GSTCD: variants seen among roughly 807,000 people sequenced by gnomAD.
The protein encoded by GSTCD is glutathione S-transferase C-terminal domain containing.
A neutral mutation model predicts 68.3 loss-of-function variants in GSTCD; 44 were observed. The observed-to-expected ratio is 0.64, with a 90% CI of 0.51 to 0.83. The LOEUF (loss-of-function observed/expected upper bound fraction) is 0.83, where lower values mean the gene tolerates loss of function less well. GSTCD is among the 40% of genes least tolerant of loss of function. The pLI is 0.00. For missense variants in GSTCD, 739 were observed against 735.9 expected (o/e 1.00, Z -0.05); for synonymous variants, 273 against 255.2 (o/e 1.07, Z -0.67).
intron 5 of GSTCD, among the ~76,000 whole-genome samples, chr4:105,818,774 G>T (rs1723133222): frequency 6.6e-6 from 1 of 151,608 alleles, no homozygotes; most frequent in African/African-American, 2.4e-5. Context: ...AGAGTGAGGA[G>T]AATTTAATAG....
At chr4:105,775,641 G>A (rs537258128) in intron 5 of GSTCD, among the ~76,000 whole-genome samples, 18 of 152,312 alleles carry the variant, frequency 1.2e-4, no homozygotes, top group Non-Finnish European at 2.2e-4. Context: ...CTGGAGGTCT[G>A]CTCCACACCC....
At chr4:105,786,738 TA>T (rs1735483223) in intron 5 of GSTCD, among the ~76,000 whole-genome samples, 1 of 152,106 alleles carries the variant, frequency 6.6e-6, no homozygotes, top group African/African-American at 2.4e-5. Flanking sequence ...CACATGAATA[TA>T]TGCTCAACAT....
rs532183271 is a variant in GSTCD, at chr4:105,813,811, G to A, written c.1241-9143G>A. Among the ~76,000 whole-genome samples, 73 of 152,090 alleles carry A rather than the reference G, an allele frequency of 4.8e-4. No individual in the cohort carries two copies. The South Asian group carries it at 0.014, about 30-fold the overall frequency. On this transcript the variant is annotated intron_variant, in intron 5 of 11. Coordinates refer to ENST00000515279, the MANE Select transcript of GSTCD (RefSeq NM_001370181.1). ...CAATTCAGTTACCTGCTCAATGATG[G>A]CTTCAAGATTACCTAATATAAAATA...
intron 1 of GSTCD, among the ~76,000 whole-genome samples, chr4:105,710,527 C>T (rs946306251): frequency 2.0e-5 from 3 of 151,962 alleles, no homozygotes; most frequent in East Asian, 3.9e-4. Context: ...CCGCGCCCGG[C>T]CTGTTTTTGT....
At chr4:105,731,265 A>T (rs1368445126) in intron 5 of GSTCD, among the ~76,000 whole-genome samples, 1 of 152,182 alleles carries the variant, frequency 6.6e-6, no homozygotes, top group Admixed American at 6.5e-5. Flanking sequence ...CAATTTTGTG[A>T]AGAAAGTCAT....
rs1199039522 is a variant in GSTCD, at chr4:105,774,104, T to A, written c.1240+44605T>A. ...CTTATTGCATTGATCCCCTTACCAT[T>A]ATGTAATGCCCTTCTTTGTCTCTTT... On this transcript the variant is annotated intron_variant, in intron 5 of 11. Coordinates refer to ENST00000515279, the MANE Select transcript of GSTCD (RefSeq NM_001370181.1). Among the ~76,000 whole-genome samples the A allele has an allele frequency of 2.6e-5, 4 of 152,208 alleles. No individual in the cohort carries two copies. The East Asian group carries it at 7.7e-4, about 29-fold the overall frequency.
intron 9 of GSTCD, among the ~76,000 whole-genome samples, chr4:105,836,505 A>G (rs1222997742): frequency 1.3e-5 from 2 of 152,088 alleles, no homozygotes; most frequent in African/African-American, 4.8e-5. Context: ...CCTGCCATCC[A>G]TGGTGCCCAT....
At chr4:105,817,331 T>A (rs2149270894) in intron 5 of GSTCD, among the ~76,000 whole-genome samples, 1 of 152,034 alleles carries the variant, frequency 6.6e-6, no homozygotes, top group South Asian at 2.1e-4. Context: ...TAGCCTTTTT[T>A]AACATTATGA....
intron 5 of GSTCD, among the ~76,000 whole-genome samples, chr4:105,770,589 T>C (rs1163894313): frequency 6.6e-6 from 1 of 152,188 alleles, no homozygotes; most frequent in East Asian, 1.9e-4. Context: ...GTTCTCATTA[T>C]TCAACTCCCA....
At chr4:105,822,723 A>G (rs1341234382) in intron 5 of GSTCD, among the ~76,000 whole-genome samples, 1 of 152,096 alleles carries the variant, frequency 6.6e-6, no homozygotes, top group Non-Finnish European at 1.5e-5. Flanking sequence ...GAAATGTTGA[A>G]TAGACATAAA....
intron 5 of GSTCD, among the ~76,000 whole-genome samples, chr4:105,789,601 T>G (rs1735588762): frequency 6.6e-6 from 1 of 151,792 alleles, no homozygotes; most frequent in Admixed American, 6.6e-5. Context: ...TCCCTCAGAG[T>G]GTGCCATGGA....
At chr4:105,780,061 C>T (rs1319646906) in intron 5 of GSTCD, among the ~76,000 whole-genome samples, 2 of 152,188 alleles carry the variant, frequency 1.3e-5, no homozygotes, top group Non-Finnish European at 2.9e-5. Context: ...TTTCATATTG[C>T]TCCTTGCCAA....
intron 5 of GSTCD, among the ~76,000 whole-genome samples, chr4:105,809,528 TC>T (rs1184643200): frequency 6.6e-6 from 1 of 152,112 alleles, no homozygotes; most frequent in African/African-American, 2.4e-5. Flanking sequence ...TTGCTCTTTC[TC>T]CCCTTTCTAA....
chr4:105,729,516 C>CT lies in GSTCD; in HGVS notation c.1240+20dup, dbSNP rs1428098751. The CT allele has an allele frequency of 6.4e-7, 1 of 1,553,858 alleles. No individual in the cohort carries two copies. Among genetic ancestry groups the CT allele is most frequent in the Non-Finnish European group, 8.9e-7 (1 of 1,128,944 alleles). On this transcript the variant is annotated intron_variant, in intron 5 of 11. Transcript: ENST00000515279. ...CAAAGGAAGGTGAGTTTTCTTTTTT[C>CT]TTTAAGTTTTATTCATACTTTGGAT...
intron 4 of GSTCD, among the ~76,000 whole-genome samples, chr4:105,727,144 T>A (rs1255296599): frequency 6.6e-6 from 1 of 150,400 alleles, no homozygotes; most frequent in Non-Finnish European, 1.5e-5. Flanking sequence ...TCATACCTGG[T>A]CAAGTATACT....
At chr4:105,733,377 T>C (rs928692392) in intron 5 of GSTCD, among the ~76,000 whole-genome samples, 1 of 152,224 alleles carries the variant, frequency 6.6e-6, no homozygotes, top group Non-Finnish European at 1.5e-5. Flanking sequence ...TGTTCCTGTA[T>C]TGGGTGCATA....
chr4:105,752,553 G>A (rs1245159110), intron 5 of GSTCD, among the ~76,000 whole-genome samples: 1 of 151,962 alleles, frequency 6.6e-6, no homozygotes, highest in East Asian at 1.9e-4. Context: ...ATTTTATTTA[G>A]GTCATATGTA....
intron 8 of GSTCD, among the ~76,000 whole-genome samples, chr4:105,831,386 A>G (rs1427821828): frequency 6.6e-6 from 1 of 152,234 alleles, no homozygotes; most frequent in Non-Finnish European, 1.5e-5. Context: ...GGCTGGGTCT[A>G]GAAGTCCAGT....
chr4:105,838,441 A>G (rs1361014492), intron 10 of GSTCD, among the ~76,000 whole-genome samples: 1 of 152,254 alleles, frequency 6.6e-6, no homozygotes, highest in Non-Finnish European at 1.5e-5. Context: ...ATCTCCAAGT[A>G]TTCCTCTCAT....
Sources: allele counts gnomAD v4.1 joint callset (sites outside exome capture counted in the v4.1 genomes callset), GRCh38; gene constraint gnomAD v4.1.1; transcripts MANE v1.5; gene names NCBI Gene and HGNC (gene_info 2026-07-23, HGNC 2026-07-21).